CYFIP2: variants seen among roughly 807,000 people sequenced by gnomAD.
CYFIP2 encodes the protein cytoplasmic FMR1-interacting protein 2.
CYFIP2 carries 29 observed loss-of-function variants against 158.7 expected under a neutral mutation model. That is an observed-to-expected ratio of 0.18 (90% CI 0.14 to 0.25). The LOEUF (loss-of-function observed/expected upper bound fraction) is 0.25. Among genes scored for constraint, CYFIP2 ranks in the 10% least tolerant of loss-of-function variants. The pLI is 1.00. For synonymous variants in CYFIP2, 585 were observed against 617.6 expected, an observed-to-expected ratio of 0.95 and a Z score of 0.78; for missense variants, 852 against 1,639.5, an observed-to-expected ratio of 0.52 and a Z score of 8.29.
At chr5:157,388,597 A>G (rs138523863) in intron 28 of CYFIP2, among the ~76,000 whole-genome samples, 104 of 152,338 alleles carry the variant, frequency 6.8e-4, no homozygotes, top group African/African-American at 2.3e-3. Context: ...TACATTGTCA[A>G]TGTTTTTAAG....
At chr5:157,267,749 G>T (rs1755728130) in intron 1 of CYFIP2, among the ~76,000 whole-genome samples, 2 of 152,224 alleles carry the variant, frequency 1.3e-5, no homozygotes, top group South Asian at 4.1e-4. Flanking sequence ...AGCTTTAATG[G>T]GAAACACTGT....
rs996547692 is a variant in CYFIP2 at position 157,360,443 on chromosome 5, C to T, written c.2908+71C>T. 2.0e-5 allele frequency: 27 copies of T among 1,325,592 alleles called. No individual in the cohort carries two copies. In the Admixed American group the frequency reaches 4.1e-4, roughly 20 times the overall value. The allele number at this position is 1,325,592 out of a possible 1,614,324, so 82.1% of individuals were successfully genotyped here. On this transcript the variant is annotated intron_variant, in intron 25 of 30. Coordinates refer to ENST00000620254, the MANE Select transcript of CYFIP2 (RefSeq NM_001037333.3). The stretch of plus-strand genomic sequence containing the variant: ...GAGGCTCTGACCATCCACCTTAGAG[C>T]GTTTGCTTCTCTAACATGCCAGTGA...
In CYFIP2 at chr5:157,326,246, G is replaced by T. The variant is rs761673018; in HGVS notation, c.2058G>T (p.Leu686=). 1 of 1,613,716 alleles carries T rather than the reference G, an allele frequency of 6.2e-7. No individual in the cohort carries two copies. The highest frequency in any genetic ancestry group is 8.5e-7 in the Non-Finnish European group (1 of 1,179,622). The change falls in exon 18 of 31, where the codon CTG becomes CTT. Residue 686 remains leucine (L), a synonymous_variant. Coordinates refer to ENST00000620254, the MANE Select transcript of CYFIP2 (RefSeq NM_001037333.3). ...TGACCAAGTTTAAAAAGCAGTTCCT[G>T]TACGATGAGATAGAAGCTGAGGCAA... is the stretch of plus-strand genomic sequence containing the variant. ...YALTKFKKQF[L]YDEIEAEVNL... is the part of the protein sequence containing the mutation.
At chr5:157,315,741 A>G (rs1237143474) in intron 13 of CYFIP2, among the ~76,000 whole-genome samples, 9 of 152,216 alleles carry the variant, frequency 5.9e-5, no homozygotes, top group Admixed American at 1.3e-4. Flanking sequence ...ATGTTCTTCA[A>G]TATGGAACCA....
chr5:157,273,176 C>A (rs1554105215), intron 1 of CYFIP2, among the ~76,000 whole-genome samples: 1 of 152,112 alleles, frequency 6.6e-6, no homozygotes, highest in Non-Finnish European at 1.5e-5. Context: ...CTGTCCTTTT[C>A]TTTTAAAGCT....
chr5:157,311,243 G>A lies in CYFIP2; in HGVS notation c.993-421G>A. On this transcript the variant is annotated intron_variant, in intron 10 of 30. Coordinates refer to ENST00000620254, the MANE Select transcript of CYFIP2 (RefSeq NM_001037333.3). This position sits in a 1 kb window ranked among gnomAD's most constrained non-coding sequence, Gnocchi z 4.7. ...ATATTTCCGCAATCCCAGCCCAAAG[G>A]CCCCCCAAAGCCAGCTTCAACCGCA... The A allele has an allele frequency of 2.7e-6, 1 of 375,724 alleles. No homozygotes were observed. The highest frequency in any genetic ancestry group is 2.0e-5 in the South Asian group (1 of 50,662). 23.3% of individuals were successfully genotyped at this position (375,724 alleles called of 1,614,324 possible). A position where few individuals can be genotyped will look rare whatever the true frequency, so the allele number is the denominator to read the frequency against.
intron 22 of CYFIP2, among the ~76,000 whole-genome samples, chr5:157,340,496 A>G (rs1025310575): frequency 1.3e-5 from 2 of 152,272 alleles, no homozygotes; most frequent in African/African-American, 2.4e-5. Context: ...TGAGAATAGT[A>G]TTCACACTTT....
intron 26 of CYFIP2, among the ~76,000 whole-genome samples, chr5:157,380,936 C>T (rs1253119686): frequency 6.6e-6 from 1 of 152,102 alleles, no homozygotes; most frequent in African/African-American, 2.4e-5. Flanking sequence ...AGGAAAGGGC[C>T]GTGCGCAGTG....
chr5:157,278,350 A>G (rs1435760391), intron 1 of CYFIP2, among the ~76,000 whole-genome samples: 2 of 152,134 alleles, frequency 1.3e-5, no homozygotes, highest in Non-Finnish European at 2.9e-5. Flanking sequence ...TAATCTTTCT[A>G]GCTTGCCAGA....
chr5:157,392,791 A>AC lies in CYFIP2; in HGVS notation c.3595-41dup, dbSNP rs753368370. 2.5e-6 allele frequency: 4 copies of AC among 1,602,954 alleles called. No individual in the cohort carries two copies. In the Admixed American group the frequency reaches 6.7e-5, roughly 27 times the overall value. ...CCTGTTACTCCCTCTTTCCACCCCC[A>AC]CTTTGTCCTGCCCTAACTTGAACAT... On this transcript the variant is annotated intron_variant, in intron 30 of 30. Coordinates refer to ENST00000620254, the MANE Select transcript of CYFIP2 (RefSeq NM_001037333.3).
intron 23 of CYFIP2, among the ~76,000 whole-genome samples, chr5:157,346,866 G>A (rs775778356): frequency 3.3e-5 from 5 of 152,106 alleles, no homozygotes; most frequent in East Asian, 1.9e-4. Context: ...CATCCCCAGC[G>A]TTCCTTTCCT....
intron 4 of CYFIP2, among the ~76,000 whole-genome samples, chr5:157,295,163 C>T (rs1758152649): frequency 6.6e-6 from 1 of 152,242 alleles, no homozygotes; most frequent in African/African-American, 2.4e-5. Flanking sequence ...GATGTTCCCA[C>T]TGCCTCACCC....
intron 10 of CYFIP2, among the ~76,000 whole-genome samples, chr5:157,310,524 G>T (rs1329381475): frequency 6.6e-6 from 1 of 152,236 alleles, no homozygotes; most frequent in African/African-American, 2.4e-5. Context: ...GAGCCTCTGC[G>T]AACAAGTGTC....
At chr5:157,384,530 GGTAA>G (rs1386132698) in intron 28 of CYFIP2, 4 of 455,690 alleles carry the variant, frequency 8.8e-6, no homozygotes, top group Admixed American at 4.7e-5. Context: ...GGCAAAACAT[GGTAA>G]GTATTTTTGG....
At chr5:157,279,645 G>A (rs1756840257) in intron 1 of CYFIP2, among the ~76,000 whole-genome samples, 1 of 152,190 alleles carries the variant, frequency 6.6e-6, no homozygotes, top group African/African-American at 2.4e-5. Flanking sequence ...GACTGAGTTT[G>A]TTATGAAGAC....
chr5:157,360,493 C>T (rs1337975968), intron 25 of CYFIP2, 121 bp downstream of exon 25: 1 of 681,964 alleles, frequency 1.5e-6, no homozygotes, highest in African/African-American at 1.8e-5. Context: ...GGCTATCCAT[C>T]CTACCCCGCC....
chr5:157,308,548 C>T (rs1193032487), intron 9 of CYFIP2, among the ~76,000 whole-genome samples: 2 of 152,118 alleles, frequency 1.3e-5, no homozygotes, highest in African/African-American at 2.4e-5. Flanking sequence ...TGGGCACTGC[C>T]GACATGGAGC....
At chr5:157,292,909 A>C (rs1757941389) in intron 3 of CYFIP2, among the ~76,000 whole-genome samples, 1 of 152,168 alleles carries the variant, frequency 6.6e-6, no homozygotes, top group Non-Finnish European at 1.5e-5. Context: ...GATTATTATT[A>C]TTATCATGAT....
intron 20 of CYFIP2, 71 bp downstream of exon 20, chr5:157,330,921 T>A (rs2113175016): frequency 8.2e-7 from 1 of 1,214,430 alleles, no homozygotes; most frequent in East Asian, 2.3e-5. Flanking sequence ...AGCATAGAGA[T>A]CAGAAATCAG....
Sources: gnomAD v4.1 joint callset for allele counts (sites outside exome capture counted in the v4.1 genomes callset) on GRCh38, gnomAD v4.1.1 for gene constraint, Gnocchi (gnomAD v3.1) non-coding constraint, MANE v1.5 for transcripts, NCBI Gene and HGNC (gene_info 2026-07-23, HGNC 2026-07-21) for gene names.